Variants in COL23A1 observed in about 807,000 individuals in gnomAD.
COL23A1 encodes the protein collagen alpha-1(XXIII) chain.
Under a neutral mutation model 99.3 loss-of-function variants are expected in COL23A1, and 97 were observed. The observed-to-expected ratio is 0.98, with a 90% confidence interval of 0.83 to 1.16. The LOEUF is 1.16. COL23A1 is among the 50% of genes most tolerant of loss of function. The probability of loss-of-function intolerance (pLI) is 0.00; values close to 1 mark genes in which losing one functional copy is unlikely to be tolerated. For synonymous variants in COL23A1, 320 were observed against 308.2 expected, an observed-to-expected ratio of 1.04 and a Z score of -0.40; for missense variants, 762 against 757.4, an observed-to-expected ratio of 1.01 and a Z score of -0.07.
At chr5:178,424,649 C>G (rs1020412458) in intron 2 of COL23A1, among the ~76,000 whole-genome samples, 2 of 152,200 alleles carry the variant, frequency 1.3e-5, no homozygotes, top group African/African-American at 4.8e-5. Flanking sequence ...ACTAATGGTC[C>G]TAGACTTTCT....
At chr5:178,514,749 T>C (rs1014893658) in intron 2 of COL23A1, among the ~76,000 whole-genome samples, 7 of 152,214 alleles carry the variant, frequency 4.6e-5, no homozygotes, top group Non-Finnish European at 1.0e-4. Context: ...CTGACATGTA[T>C]GGGAGGAAAA....
intron 2 of COL23A1, among the ~76,000 whole-genome samples, chr5:178,502,389 C>T (rs1418273977): frequency 6.6e-6 from 1 of 152,202 alleles, no homozygotes; most frequent in Non-Finnish European, 1.5e-5. Flanking sequence ...CCTCGGCCTC[C>T]CAAAGTGCTG....
At chr5:178,539,545 C>CAAAAAA (rs58424731) in intron 2 of COL23A1, among the ~76,000 whole-genome samples, 246 of 78,290 alleles carry the variant, frequency 3.1e-3, no homozygotes, top group East Asian at 9.4e-3. Context: ...GACTCTGTCT[C>CAAAAAA]AAAAAAAAAA....
At chr5:178,327,382 G>A (rs538144858) in intron 2 of COL23A1, among the ~76,000 whole-genome samples, 25 of 152,310 alleles carry the variant, frequency 1.6e-4, no homozygotes, top group South Asian at 4.1e-4. Flanking sequence ...TACAGAAGGG[G>A]CTACGGAAAA....
Position 178,365,618 on chromosome 5 carries a change from C to A in COL23A1, c.362-58699G>T, listed in dbSNP as rs557161658. On this transcript the variant is annotated intron_variant, in intron 2 of 28. Coordinates refer to ENST00000390654, the MANE Select transcript of COL23A1 (RefSeq NM_173465.4). The surrounding 1 kb of genome is among the most constrained non-coding windows in gnomAD (Gnocchi z 5.2). ...TACCACATGCCCCAGCCTCACCCCA[C>A]GGCCCGCCCAGCACCCGCCAGGCAT... 6.6e-6 allele frequency among the ~76,000 whole-genome samples: 1 copy of A among 152,202 alleles called. No individual in the cohort carries two copies. Among genetic ancestry groups the A allele is most frequent in the Non-Finnish European group, 1.5e-5 (1 of 68,024 alleles).
intron 2 of COL23A1, among the ~76,000 whole-genome samples, chr5:178,522,994 C>T (rs1168019185): frequency 6.6e-6 from 1 of 151,638 alleles, no homozygotes; most frequent in Non-Finnish European, 1.5e-5. Context: ...CCATCTATGT[C>T]CAGAACTGAA....
chr5:178,307,891 C>T lies in COL23A1; in HGVS notation c.362-972G>A, dbSNP rs569371728. 1.3e-5 allele frequency among the ~76,000 whole-genome samples: 2 copies of T among 152,352 alleles called. No individual in the cohort carries two copies. The highest frequency in any genetic ancestry group is 4.8e-5 in the African/African-American group (2 of 41,578). ...TGTGACCCTATGACAAGGCACTGCC[C>T]TTTCCTGCAAAAGCCAACCTCAAAC... On this transcript the variant is annotated intron_variant, in intron 2 of 28. Transcript: ENST00000390654. This position sits in a 1 kb window ranked among gnomAD's most constrained non-coding sequence, Gnocchi z 4.2.
intron 1 of COL23A1, among the ~76,000 whole-genome samples, chr5:178,578,797 G>A (rs890141846): frequency 2.6e-5 from 4 of 151,280 alleles, no homozygotes; most frequent in African/African-American, 4.9e-5. Context: ...CCGTGTTGCC[G>A]CCATACCGCA....
At chr5:178,449,819 T>A (rs192251637) in intron 2 of COL23A1, among the ~76,000 whole-genome samples, 2 of 152,064 alleles carry the variant, frequency 1.3e-5, no homozygotes, top group Non-Finnish European at 1.5e-5. Context: ...GGGCACTGAG[T>A]GGCATCCAGC....
intron 2 of COL23A1, among the ~76,000 whole-genome samples, chr5:178,536,856 T>G (rs10063570): frequency 0.046 from 7,069 of 152,264 alleles, 220 homozygotes; most frequent in African/African-American, 0.089. Context: ...TGTGAGCTTT[T>G]GGCAGCCACA....
rs1359596672 is a variant in COL23A1, at chr5:178,309,192, T to C, written c.362-2273A>G. On this transcript the variant is annotated intron_variant, in intron 2 of 28. Coordinates refer to ENST00000390654, the MANE Select transcript of COL23A1 (RefSeq NM_173465.4). The surrounding 1 kb of genome is among the most constrained non-coding windows in gnomAD (Gnocchi z 4.7). ...AGCCAGATGAAGACATCTGCCTGTG[T>C]TGGGGCAGCTGAACTAACGGATTTG... is the stretch of plus-strand genomic sequence containing the variant. Among the ~76,000 whole-genome samples the C allele has an allele frequency of 6.6e-6, 1 of 152,164 alleles. No homozygotes were observed. Among genetic ancestry groups the C allele is most frequent in the Non-Finnish European group, 1.5e-5 (1 of 68,020 alleles).
At chr5:178,256,164 C>T (rs1283957728) in intron 15 of COL23A1, among the ~76,000 whole-genome samples, 189 bp downstream of exon 15, 4 of 152,158 alleles carry the variant, frequency 2.6e-5, no homozygotes, top group Non-Finnish European at 4.4e-5. Context: ...CATATTTGAA[C>T]ATTTTACCCC....
intron 2 of COL23A1, among the ~76,000 whole-genome samples, chr5:178,373,552 G>T (rs1762913357): frequency 6.6e-6 from 1 of 152,176 alleles, no homozygotes; most frequent in Admixed American, 6.6e-5. Flanking sequence ...AAGTAGCTGG[G>T]ACTACAGGCT....
intron 11 of COL23A1, among the ~76,000 whole-genome samples, chr5:178,260,855 G>A (rs191790589): frequency 7.0e-4 from 107 of 152,302 alleles, no homozygotes; most frequent in African/African-American, 2.1e-3. Flanking sequence ...ATGAACAGGC[G>A]GAGAACAGAG....
chr5:178,260,651 A>G (rs1356443788), intron 11 of COL23A1, among the ~76,000 whole-genome samples: 1 of 152,160 alleles, frequency 6.6e-6, no homozygotes, highest in East Asian at 1.9e-4. Context: ...AAAATTAGCC[A>G]GGTGTGGTGG....
chr5:178,241,913 A>G, intron 27 of COL23A1, 129 bp downstream of exon 27: 1 of 681,484 alleles, frequency 1.5e-6, no homozygotes, highest in Non-Finnish European at 2.5e-6. Flanking sequence ...CCTGACAGTG[A>G]GGAAGGCCAG....
intron 2 of COL23A1, among the ~76,000 whole-genome samples, chr5:178,493,318 G>C (rs1242996387): frequency 6.6e-6 from 1 of 152,218 alleles, no homozygotes; most frequent in Non-Finnish European, 1.5e-5. Context: ...CACGAGGCAC[G>C]GAGTTCACCA....
At chr5:178,556,661 TAAAATA>T (rs1762290953) in intron 2 of COL23A1, among the ~76,000 whole-genome samples, 2 of 145,368 alleles carry the variant, frequency 1.4e-5, no homozygotes, top group Admixed American at 7.0e-5. Context: ...TAAAATAAAA[TAAAATA>T]AAAAAGCTGA....
intron 2 of COL23A1, chr5:178,350,977 C>A (rs1278417862): frequency 6.6e-6 from 1 of 152,322 alleles, no homozygotes; most frequent in African/African-American, 2.4e-5. Context: ...CACTTCCTAC[C>A]TGACATCAAG....
Sources: allele counts gnomAD v4.1 joint callset (sites outside exome capture counted in the v4.1 genomes callset), GRCh38; gene constraint gnomAD v4.1.1; non-coding constraint Gnocchi (gnomAD v3.1); transcripts MANE v1.5; gene names NCBI Gene and HGNC (gene_info 2026-07-23, HGNC 2026-07-21).